SEMA4A: variants seen among roughly 807,000 people sequenced by gnomAD.
The protein encoded by SEMA4A is semaphorin-4A.
SEMA4A carries 52 observed loss-of-function variants against 72.5 expected under a neutral mutation model. That is an observed-to-expected ratio of 0.72 (90% CI 0.57 to 0.90). The LOEUF (loss-of-function observed/expected upper bound fraction) is 0.90, where lower values mean the gene tolerates loss of function less well. SEMA4A is among the 40% of genes least tolerant of loss of function. SEMA4A has a pLI of 0.00. For missense variants in SEMA4A, 926 were observed against 959.7 expected, an observed-to-expected ratio of 0.96 and a Z score of 0.46; for synonymous variants, 369 against 393.1, an observed-to-expected ratio of 0.94 and a Z score of 0.73.
intron 4 of SEMA4A, 81 bp from the exon 5 acceptor site, chr1:156,158,307 T>C (rs988443716): frequency 1.5e-6 from 2 of 1,309,180 alleles, no homozygotes; most frequent in Admixed American, 3.4e-5. Context: ...CTAGCCTTTC[T>C]CCTCAGTGAG....
chr1:156,155,641 T>C (rs1288659084), intron 2 of SEMA4A: 12 of 155,004 alleles, frequency 7.7e-5, no homozygotes. Context: ...ACTTCTCCCC[T>C]CTGTACTGTG....
At chr1:156,153,885 C>T (rs1182645791) in intron 1 of SEMA4A, 121 bp downstream of exon 1, 1 of 152,332 alleles carries the variant, frequency 6.6e-6, no homozygotes, top group Admixed American at 6.5e-5. Flanking sequence ...GCCGGCCAGC[C>T]ACCCCTGCCC....
chr1:156,158,176 C>T (rs1653230719), intron 4 of SEMA4A, 44 bp downstream of exon 4: 2 of 1,601,140 alleles, frequency 1.2e-6, no homozygotes, highest in South Asian at 1.1e-5. Context: ...GTAGAGAGCT[C>T]TGGCATCCCT....
chr1:156,160,145 G>GTGAT (rs1653446596), intron 6 of SEMA4A, among the ~76,000 whole-genome samples: 1 of 152,150 alleles, frequency 6.6e-6, no homozygotes, highest in South Asian at 2.1e-4. Context: ...GGATCAGTAA[G>GTGAT]TGATTCTACT....
chr1:156,147,994 A>G (rs1032604342), upstream of SEMA4A, among the ~76,000 whole-genome samples: 4 of 152,126 alleles, frequency 2.6e-5, no homozygotes, highest in African/African-American at 9.7e-5. Context: ...GGAAGTTTTG[A>G]TTCTCATATG....
upstream of SEMA4A, chr1:156,150,353 A>AGAGGCTTGGGGACGTC: frequency 6.6e-6 from 1 of 152,602 alleles, no homozygotes; most frequent in South Asian, 2.1e-4. Context: ...CAGGGGGCGT[A>AGAGGCTTGGGGACGTC]GAGGCTTGGG....
chr1:156,160,965 A>T lies in SEMA4A; in HGVS notation c.746A>T (p.Glu249Val). The T allele has an allele frequency of 1.2e-6, 2 of 1,612,470 alleles. No individual in the cohort carries two copies. Among genetic ancestry groups the T allele is most frequent in the Non-Finnish European group, 1.7e-6 (2 of 1,179,600 alleles). The change falls in exon 8 of 15, where the codon GAG becomes GTG. Residue 249 changes from glutamate to valine, a missense_variant. Physicochemically the swap from Glu to Val is moderately radical, Grantham distance 121 (BLOSUM62 -2). Coordinates refer to ENST00000368285, the MANE Select transcript of SEMA4A (RefSeq NM_022367.4). Reference protein sequence around the residue: ...STQVVYFFFEETASEFDFFER... With the variant: ...STQVVYFFFEVTASEFDFFER... ...CAGGTCGTCTACTTCTTCTTCGAGG[A>T]GACAGCCAGCGAGTTTGACTTCTTT...
Position 156,163,002 on chromosome 1 carries a change from C to T in SEMA4A, c.1042C>T (p.Arg348Cys), listed in dbSNP as rs777217597. The T allele has an allele frequency of 9.3e-6, 15 of 1,614,166 alleles. No individual in the cohort carries two copies. The highest frequency in any genetic ancestry group is 5.0e-5 in the Admixed American group (3 of 60,032). The change falls in exon 10 of 15, where the codon CGT (arginine) becomes TGT (cysteine). Residue 348 changes from arginine to cysteine, a missense_variant. By Grantham distance (180) the Arg-to-Cys change is radical. Coordinates refer to ENST00000368285, the MANE Select transcript of SEMA4A (RefSeq NM_022367.4). ...VCAFSLLDIE[R>C]VFKGKYKELN... ...TGCCTTCTCTCTCTTGGACATTGAA[C>T]GTGTCTTTAAGGGGAAATACAAAGA...
Position 156,176,638 on chromosome 1 carries a change from C to G in SEMA4A, c.1927C>G (p.Gln643Glu), listed in dbSNP as rs369340074. The G allele has an allele frequency of 6.2e-7, 1 of 1,614,204 alleles. No homozygotes were observed. Among genetic ancestry groups the G allele is most frequent in the Non-Finnish European group, 8.5e-7 (1 of 1,180,036 alleles). ...YPVISYWVDS[Q>E]DQTLALDPEL... The stretch of plus-strand genomic sequence containing the variant: ...TGTGATCTCCTACTGGGTGGACAGC[C>G]AGGACCAGACCCTGGCCCTGGATCC... The change falls in exon 15 of 15, where the codon CAG becomes GAG. Residue 643 changes from glutamine (Q) to glutamate (E), a missense_variant. Gln to Glu is a conservative substitution (Grantham distance 29). Transcript: ENST00000368285.
rs564990102 is a variant in SEMA4A, at chr1:156,154,532, G to A, written c.-29-18G>A. 5.8e-5 allele frequency: 92 copies of A among 1,590,980 alleles called. No individual in the cohort carries two copies. The highest frequency in any genetic ancestry group is 9.0e-5 in the East Asian group (4 of 44,446). ...AGAACTGCTCACCCAGAAAGTGCCC[G>A]GGTGCCTGTTTCCCCAGAGCTCCCT... On this transcript the variant is annotated intron_variant, in intron 1 of 14. Coordinates refer to ENST00000368285, the MANE Select transcript of SEMA4A (RefSeq NM_022367.4).
intron 9 of SEMA4A, chr1:156,161,752 G>A: frequency 1.9e-6 from 1 of 520,856 alleles, no homozygotes; most frequent in Non-Finnish European, 3.4e-6. Context: ...AGTTCCAAAA[G>A]GGATAGGAAG....
chr1:156,161,432 G>A lies in SEMA4A; in HGVS notation c.897G>A (p.Leu299=). 1 of 1,614,000 alleles carries A rather than the reference G, an allele frequency of 6.2e-7. No homozygotes were observed. Among genetic ancestry groups the A allele is most frequent in the African/African-American group, 1.3e-5 (1 of 75,042 alleles). ...AQLLCTQPGQ[L]PFNVIRHAVL... The stretch of plus-strand genomic sequence containing the variant: ...TGCTCTGCACCCAGCCGGGGCAGCT[G>A]CCCTTCAACGTCATCCGCCACGCGG... The change falls in exon 9 of 15, where the codon CTG becomes CTA. Residue 299 remains leucine, a synonymous_variant. Coordinates refer to ENST00000368285, the MANE Select transcript of SEMA4A (RefSeq NM_022367.4).
At chr1:156,165,692 G>A (rs926860151) in intron 10 of SEMA4A, among the ~76,000 whole-genome samples, 1 of 151,504 alleles carries the variant, frequency 6.6e-6, no homozygotes, top group Non-Finnish European at 1.5e-5. Context: ...TCCTTGTGGA[G>A]CAGGGCTACC....
In SEMA4A at chr1:156,176,931, G is replaced by A. The variant is rs1655406125; in HGVS notation, c.2220G>A (p.Lys740=). 2.5e-6 allele frequency: 4 copies of A among 1,614,116 alleles called. No individual in the cohort carries two copies. Among genetic ancestry groups the A allele is most frequent in the Non-Finnish European group, 3.4e-6 (4 of 1,180,032 alleles). Residue 740 remains lysine (K), a synonymous_variant, in exon 15 of 15, where the codon AAG becomes AAA. Coordinates refer to ENST00000368285, the MANE Select transcript of SEMA4A (RefSeq NM_022367.4). ...LSREQHLQSP[K]ECRTSASDVD... ...GAGAGCAACACCTCCAGTCTCCCAAGGAATGCAGGACCTCTGCCAGTGATG... is the reference window on the plus strand; with the variant it reads ...GAGAGCAACACCTCCAGTCTCCCAAAGAATGCAGGACCTCTGCCAGTGATG...
intron 10 of SEMA4A, among the ~76,000 whole-genome samples, chr1:156,167,435 C>T (rs1654271449): frequency 6.8e-6 from 1 of 146,152 alleles, no homozygotes; most frequent in African/African-American, 2.5e-5. Flanking sequence ...GGCTGCACCC[C>T]ACTGTACTCC....
chr1:156,176,477 A>G lies in SEMA4A; in HGVS notation c.1766A>G (p.Tyr589Cys), dbSNP rs1456711535. ...CCCCACCTGTCAGCCTTGGCCTCTT[A>G]TTATTGGAGTCATGGCCCAGCAGCA... is the stretch of plus-strand genomic sequence containing the variant. ...PCPHLSALAS[Y>C]YWSHGPAAVP... Residue 589 changes from tyrosine (Y) to cysteine (C), a missense_variant, in exon 15 of 15, where the codon TAT (tyrosine) becomes TGT (cysteine). By Grantham distance (194) the Tyr-to-Cys change is radical. Coordinates refer to ENST00000368285, the MANE Select transcript of SEMA4A (RefSeq NM_022367.4). The G allele has an allele frequency of 2.9e-5, 46 of 1,613,902 alleles. No individual in the cohort carries two copies. The highest frequency in any genetic ancestry group is 1.6e-4 in the Middle Eastern group (1 of 6,062).
chr1:156,158,302 C>T, intron 4 of SEMA4A, 86 bp from the exon 5 acceptor site: 2 of 1,299,166 alleles, frequency 1.5e-6, no homozygotes, highest in Non-Finnish European at 1.1e-6. Context: ...ATTACCTAGC[C>T]TTTCTCCTCA....
chr1:156,161,273 G>C, intron 8 of SEMA4A, 73 bp from the exon 9 acceptor site: 2 of 961,388 alleles, frequency 2.1e-6, no homozygotes, highest in Non-Finnish European at 2.9e-6. Flanking sequence ...CGAGCTGCGG[G>C]GGGCGGGGAG....
intron 11 of SEMA4A, among the ~76,000 whole-genome samples, chr1:156,173,543 A>G (rs1017654582): frequency 8.6e-5 from 13 of 152,046 alleles, no homozygotes; most frequent in African/African-American, 2.7e-4. Context: ...AGTGGCAGGT[A>G]AAGTTGTGGC....
Sources: allele counts gnomAD v4.1 joint callset (sites outside exome capture counted in the v4.1 genomes callset), GRCh38; gene constraint gnomAD v4.1.1; transcripts MANE v1.5; gene names NCBI Gene and HGNC (gene_info 2026-07-23, HGNC 2026-07-21).